ZFP90: variants seen among roughly 807,000 people sequenced by gnomAD.
ZFP90 encodes the protein zinc finger protein 90 homolog.
ZFP90 carries 38 observed loss-of-function variants against 60.8 expected under a neutral mutation model. The observed-to-expected ratio is 0.62, with a 90% CI of 0.48 to 0.82. The LOEUF (loss-of-function observed/expected upper bound fraction) is 0.82, where lower values mean the gene tolerates loss of function less well. Ranked by LOEUF, ZFP90 falls within the 40% of genes least tolerant of loss-of-function variation. The probability of loss-of-function intolerance (pLI) is 0.00; values close to 1 mark genes in which losing one functional copy is unlikely to be tolerated. For synonymous variants in ZFP90, 287 were observed against 264.8 expected (o/e 1.08, Z -0.82); for missense variants, 711 against 759.1 (o/e 0.94, Z 0.74).
At chr16:68,542,202 T>A (rs1171489788) in intron 2 of ZFP90, among the ~76,000 whole-genome samples, 1 of 151,968 alleles carries the variant, frequency 6.6e-6, no homozygotes, top group Admixed American at 6.6e-5. Context: ...TGGTGTCAAG[T>A]GTTGTTGCGG....
At chr16:68,552,225 C>T (rs981096463) in intron 2 of ZFP90, among the ~76,000 whole-genome samples, 1 of 152,210 alleles carries the variant, frequency 6.6e-6, no homozygotes, top group Non-Finnish European at 1.5e-5. Flanking sequence ...CTAACTTCCA[C>T]CAAGAGTGCA....
upstream of ZFP90, among the ~76,000 whole-genome samples, chr16:68,538,208 G>A (rs180960993): frequency 5.3e-5 from 8 of 151,890 alleles, no homozygotes; most frequent in East Asian, 2.0e-4. Context: ...CACCGCACCC[G>A]GCATAAAGCA....
downstream of ZFP90, among the ~76,000 whole-genome samples, chr16:68,569,296 C>T (rs1298806821): frequency 6.6e-6 from 1 of 152,008 alleles, no homozygotes; most frequent in Non-Finnish European, 1.5e-5. Flanking sequence ...ACCACCATGC[C>T]CAGCTATTTT....
upstream of ZFP90, among the ~76,000 whole-genome samples, chr16:68,537,285 C>T (rs927731365): frequency 1.3e-5 from 2 of 152,070 alleles, no homozygotes; most frequent in African/African-American, 4.8e-5. Context: ...GCCACCACAC[C>T]CTGCTAATTT....
chr16:68,539,936 T>G, intron 2 of ZFP90, 111 bp downstream of exon 2: 2 of 1,440,936 alleles, frequency 1.4e-6, no homozygotes, highest in Non-Finnish European at 1.9e-6. Context: ...CTTACTTGCT[T>G]GGCTCGATCG....
chr16:68,557,929 A>G, intron 2 of ZFP90, 69 bp from the exon 3 acceptor site: 1 of 1,602,382 alleles, frequency 6.2e-7, no homozygotes, highest in East Asian at 2.2e-5. Context: ...CTCCTGCAGT[A>G]TGTTCCCAGC....
intron 1 of ZFP90, chr16:68,533,652 T>G (rs1181865974): frequency 6.6e-6 from 1 of 152,210 alleles, no homozygotes; most frequent in East Asian, 1.9e-4. Context: ...TGTCTTCCAT[T>G]GTTGCCATCT....
chr16:68,570,988 A>T (rs894954867), downstream of ZFP90, among the ~76,000 whole-genome samples: 2 of 152,180 alleles, frequency 1.3e-5, no homozygotes, highest in African/African-American at 4.8e-5. Flanking sequence ...AGACAAATCC[A>T]GTTTGTCGGT....
chr16:68,541,522 T>C (rs1304018616), intron 2 of ZFP90, among the ~76,000 whole-genome samples: 1 of 152,034 alleles, frequency 6.6e-6, no homozygotes, highest in Admixed American at 6.6e-5. Context: ...GGTTTCACCA[T>C]GTTGGCCAGG....
chr16:68,534,067 AG>A (rs1440776759), intron 2 of ZFP90, among the ~76,000 whole-genome samples: 2 of 152,036 alleles, frequency 1.3e-5, no homozygotes, highest in African/African-American at 4.8e-5. Context: ...AACCCAGATT[AG>A]ATTGTTATAG....
In ZFP90 at chr16:68,565,559, C is replaced by G. The variant is rs1003021103; in HGVS notation, c.*861C>G. ...GACTTTTTTCCCCTTTTCCCAGTTA[C>G]AATTATACTTTCAGCTAACATATGC... On this transcript the variant is annotated 3_prime_UTR_variant, in exon 5 of 5. Transcript: ENST00000563169. 2 of 985,544 alleles carry G rather than the reference C, an allele frequency of 2.0e-6. No homozygotes were observed. The allele number at this position is 985,544 out of a possible 1,614,324, so 61.0% of individuals were successfully genotyped here.
Position 68,534,229 on chromosome 16 carries a change from C to CTTTTTTTTT in ZFP90, c.-36+377_-36+378insTTTTTTTTT, listed in dbSNP as rs1555496914. Among the ~76,000 whole-genome samples, 28 of 135,156 alleles carry CTTTTTTTTT rather than the reference C, an allele frequency of 2.1e-4. 3 individuals carry two copies. Among genetic ancestry groups the CTTTTTTTTT allele is most frequent in the African/African-American group, 4.2e-4 (15 of 35,702 alleles). 88.7% of individuals were successfully genotyped at this position (135,156 alleles called of 152,430 possible). Reference sequence around the variant, plus strand: ...CATTTTTAACTTAAAGATTTTCTTTCTTTCTTTTTTTTTTTTTGAGACAGC... The same window carrying CTTTTTTTTT: ...CATTTTTAACTTAAAGATTTTCTTTCTTTTTTTTTTTTCTTTTTTTTTTTTTGAGACAGC... On this transcript the variant is annotated intron_variant, in intron 2 of 3. Coordinates refer to the ZFP90 transcript ENST00000569109.
chr16:68,545,355 A>C (rs2091129984), intron 2 of ZFP90, among the ~76,000 whole-genome samples: 1 of 152,152 alleles, frequency 6.6e-6, no homozygotes. Context: ...CCCAAGCAGC[A>C]ATTTTATACT....
intron 2 of ZFP90, among the ~76,000 whole-genome samples, chr16:68,572,580 T>TAA (rs1172414367): frequency 4.6e-5 from 7 of 152,132 alleles, no homozygotes; most frequent in Non-Finnish European, 1.0e-4. Flanking sequence ...AAAAACCATG[T>TAA]AAGGAGGTTC....
At position 68,564,458 on chromosome 16, in the gene ZFP90, C is replaced by T; in HGVS notation, c.1671C>T (p.Asp557=). 6.2e-7 allele frequency: 1 copy of T among 1,613,652 alleles called. No homozygotes were observed. The highest frequency in any genetic ancestry group is 8.5e-7 in the Non-Finnish European group (1 of 1,179,870). Residue 557 remains aspartate (D), a synonymous_variant, in exon 5 of 5, where the codon GAC becomes GAT. Transcript: ENST00000563169. ...HTGEKPYECI[D]CGKAFSQSSS... is the part of the protein sequence containing the mutation. Reference sequence around the variant, plus strand: ...GAGAGAAACCCTATGAATGTATTGACTGTGGGAAAGCCTTTAGTCAAAGTT... The same window carrying T: ...GAGAGAAACCCTATGAATGTATTGATTGTGGGAAAGCCTTTAGTCAAAGTT...
At chr16:68,534,723 G>GT (rs902842052), upstream of ZFP90, among the ~76,000 whole-genome samples, 1 of 151,390 alleles carries the variant, frequency 6.6e-6, no homozygotes, top group African/African-American at 2.4e-5. Context: ...GGCTAACACA[G>GT]TGAAACCCTG....
chr16:68,538,660 C>G (rs941557452), upstream of ZFP90, among the ~76,000 whole-genome samples: 1 of 151,468 alleles, frequency 6.6e-6, no homozygotes, highest in Non-Finnish European at 1.5e-5. Flanking sequence ...GAGCCAAAAT[C>G]GCGCCATTGC....
intron 4 of ZFP90, chr16:68,562,067 C>A (rs980825287): frequency 6.6e-6 from 1 of 152,182 alleles, no homozygotes; most frequent in African/African-American, 2.4e-5. Context: ...CTTTTTGATG[C>A]ATTTCCAAGT....
upstream of ZFP90, among the ~76,000 whole-genome samples, chr16:68,537,168 C>T (rs2090966965): frequency 6.6e-6 from 1 of 151,828 alleles, no homozygotes; most frequent in Admixed American, 6.6e-5. Flanking sequence ...ATCTCTCACC[C>T]AGGTTGGAGT....
Sources: allele counts gnomAD v4.1 joint callset (sites outside exome capture counted in the v4.1 genomes callset), GRCh38; gene constraint gnomAD v4.1.1; transcripts MANE v1.5; gene names NCBI Gene and HGNC (gene_info 2026-07-23, HGNC 2026-07-21).